Variants in CBFA2T2 observed in about 807,000 individuals in gnomAD.
CBFA2T2 encodes the protein CBFA2/RUNX1 partner transcriptional co-repressor 2.
CBFA2T2 carries 11 observed loss-of-function variants against 62.2 expected under a neutral mutation model. That is an observed-to-expected ratio of 0.18 (90% CI 0.11 to 0.29). The LOEUF (loss-of-function observed/expected upper bound fraction) is 0.29. Ranked by LOEUF, CBFA2T2 falls within the 10% of genes least tolerant of loss-of-function variation. The probability of loss-of-function intolerance (pLI) is 1.00; values close to 1 mark genes in which losing one functional copy is unlikely to be tolerated. For synonymous variants in CBFA2T2, 295 were observed against 287.5 expected (o/e 1.03, Z -0.27); for missense variants, 592 against 774.1 (o/e 0.76, Z 2.79).
At chr20:33,619,931 AT>A (rs1261993010) in intron 4 of CBFA2T2, among the ~76,000 whole-genome samples, 3 of 152,060 alleles carry the variant, frequency 2.0e-5, no homozygotes, top group Non-Finnish European at 4.4e-5. Flanking sequence ...CTGGTCACTA[AT>A]CCTTTGGGTA....
intron 1 of CBFA2T2, among the ~76,000 whole-genome samples, chr20:33,573,107 G>A (rs1416318950): frequency 6.6e-6 from 1 of 152,098 alleles, no homozygotes; most frequent in African/African-American, 2.4e-5. Flanking sequence ...GAATATTTAG[G>A]TGCCTACTGT....
chr20:33,644,275 A>G, intron 10 of CBFA2T2, 72 bp from the exon 11 acceptor site: 1 of 1,533,290 alleles, frequency 6.5e-7, no homozygotes, highest in East Asian at 2.3e-5. Context: ...CCCTTGCTTT[A>G]CTGTGCAGGG....
chr20:33,533,191 G>A (rs1244640563), intron 1 of CBFA2T2, among the ~76,000 whole-genome samples: 2 of 152,162 alleles, frequency 1.3e-5, no homozygotes, highest in Non-Finnish European at 2.9e-5. Flanking sequence ...CTCAGGTTTG[G>A]CAGGTATACC....
At chr20:33,569,314 A>C (rs992355868) in intron 1 of CBFA2T2, among the ~76,000 whole-genome samples, 3 of 152,176 alleles carry the variant, frequency 2.0e-5, no homozygotes, top group Non-Finnish European at 4.4e-5. Context: ...TAAATGCTTT[A>C]ATTTTGCATT....
At chr20:33,503,449 TTCA>T (rs991591448) in intron 1 of CBFA2T2, among the ~76,000 whole-genome samples, 2 of 151,922 alleles carry the variant, frequency 1.3e-5, no homozygotes, top group East Asian at 3.9e-4. Context: ...GAGACGGGGT[TTCA>T]CCATGTTGAC....
intron 1 of CBFA2T2, among the ~76,000 whole-genome samples, chr20:33,502,698 C>T (rs1163080097): frequency 1.3e-5 from 2 of 150,742 alleles, no homozygotes; most frequent in African/African-American, 2.4e-5. Flanking sequence ...CCACCGTGCC[C>T]GGCCTAGTTT....
intron 1 of CBFA2T2, among the ~76,000 whole-genome samples, chr20:33,511,173 C>T (rs7268256): frequency 1.3e-5 from 2 of 152,082 alleles, no homozygotes; most frequent in Non-Finnish European, 2.9e-5. Context: ...GCTTTTGTTG[C>T]CATTGCTTTT....
At chr20:33,605,695 A>C (rs558522150) in intron 1 of CBFA2T2, among the ~76,000 whole-genome samples, 2 of 152,082 alleles carry the variant, frequency 1.3e-5, no homozygotes, top group South Asian at 2.1e-4. Flanking sequence ...TCTACTTTTC[A>C]TCTTTTTGAA....
chr20:33,514,233 G>A (rs557780867), intron 1 of CBFA2T2, among the ~76,000 whole-genome samples: 25 of 5,782 alleles, frequency 4.3e-3, no homozygotes, highest in Middle Eastern at 0.12. Flanking sequence ...TTTTTTTTTT[G>A]AGATAGAGTC....
intron 1 of CBFA2T2, among the ~76,000 whole-genome samples, chr20:33,603,134 A>C (rs1181145103): frequency 6.6e-6 from 1 of 152,212 alleles, no homozygotes; most frequent in Non-Finnish European, 1.5e-5. Flanking sequence ...GTGGAAACTG[A>C]AACTGCAGAT....
chr20:33,577,981 G>A (rs2013906618), intron 1 of CBFA2T2, among the ~76,000 whole-genome samples: 1 of 152,112 alleles, frequency 6.6e-6, no homozygotes. Context: ...ATCCTTCCCA[G>A]CAAGAAAGTC....
At chr20:33,503,787 C>T (rs1367636922) in intron 1 of CBFA2T2, among the ~76,000 whole-genome samples, 1 of 151,862 alleles carries the variant, frequency 6.6e-6, no homozygotes, top group Non-Finnish European at 1.5e-5. Flanking sequence ...TCGCAAAGTA[C>T]TGGGATTCAG....
At chr20:33,612,496 A>G (rs575744780) in intron 3 of CBFA2T2, among the ~76,000 whole-genome samples, 1 of 152,308 alleles carries the variant, frequency 6.6e-6, no homozygotes, top group African/African-American at 2.4e-5. Context: ...ATAACAGTAG[A>G]CTAAATGCAA....
intron 5 of CBFA2T2, among the ~76,000 whole-genome samples, chr20:33,623,568 T>G (rs944820328): frequency 6.8e-6 from 1 of 146,328 alleles, no homozygotes; most frequent in Admixed American, 6.7e-5. Flanking sequence ...AATGTTTGTT[T>G]GTTTGTTTGT....
intron 1 of CBFA2T2, among the ~76,000 whole-genome samples, chr20:33,510,251 C>T (rs2011485125): frequency 6.6e-6 from 1 of 150,768 alleles, no homozygotes; most frequent in Non-Finnish European, 1.5e-5. Context: ...CGCTCTGTCG[C>T]CCAGACTGGA....
chr20:33,616,828 C>T (rs1056037331), intron 3 of CBFA2T2, among the ~76,000 whole-genome samples: 1 of 152,156 alleles, frequency 6.6e-6, no homozygotes, highest in Non-Finnish European at 1.5e-5. Flanking sequence ...CCCTCAGCAT[C>T]TTACCTCTCA....
chr20:33,538,040 A>G (rs796230698), intron 1 of CBFA2T2, among the ~76,000 whole-genome samples: 7 of 151,332 alleles, frequency 4.6e-5, no homozygotes, highest in African/African-American at 1.7e-4. Flanking sequence ...GATTGGGACT[A>G]CATTGAATCT....
chr20:33,619,537 G>T lies in CBFA2T2; in HGVS notation c.441G>T (p.Glu147Asp). 6.2e-7 allele frequency: 1 copy of T among 1,603,406 alleles called. No homozygotes were observed. The highest frequency in any genetic ancestry group is 8.5e-7 in the Non-Finnish European group (1 of 1,175,348). The change falls in exon 4 of 11, where the codon GAG (glutamate) becomes GAT (aspartate). Residue 147 changes from glutamate (E) to aspartate (D), a missense_variant. Physicochemically the swap from Glu to Asp is conservative, Grantham distance 45. This residue lies in a region of CBFA2T2 where 449 missense variants were observed against 551.2 expected (regional missense o/e 0.81). Transcript: ENST00000342704. Reference protein sequence around the residue: ...LALVNSTVTIEEFHCKLQEAT... With the variant: ...LALVNSTVTIDEFHCKLQEAT... ...TTCAGAACTCAACAGTGACAATTGAGGAATTCCACTGTAAGCTCCAAGAAG... is the reference window on the plus strand; with the variant it reads ...TTCAGAACTCAACAGTGACAATTGATGAATTCCACTGTAAGCTCCAAGAAG...
At chr20:33,508,341 T>C (rs942981242) in intron 1 of CBFA2T2, among the ~76,000 whole-genome samples, 3 of 152,100 alleles carry the variant, frequency 2.0e-5, no homozygotes, top group Non-Finnish European at 4.4e-5. Flanking sequence ...GTGATCTGCC[T>C]ACCCCGGCCT....
Sources: allele counts gnomAD v4.1 joint callset (sites outside exome capture counted in the v4.1 genomes callset), GRCh38; gene constraint gnomAD v4.1.1; regional missense constraint gnomAD v4.1.1; transcripts MANE v1.5; gene names NCBI Gene and HGNC (gene_info 2026-07-23, HGNC 2026-07-21).